The following PIWIL1 variants were observed in gnomAD, a reference collection of about 807,000 sequenced individuals.
PIWIL1 encodes the protein piwi like RNA-mediated gene silencing 1.
PIWIL1 carries 73 observed loss-of-function variants against 114.4 expected under a neutral mutation model. The ratio of observed to expected loss-of-function variants is 0.64; its 90% confidence interval spans 0.53 to 0.78. The LOEUF is 0.78. Among genes scored for constraint, PIWIL1 ranks in the 30% least tolerant of loss-of-function variants. The pLI, the probability that PIWIL1 is intolerant of heterozygous loss-of-function variation, is 0.00. For missense variants in PIWIL1, 723 were observed against 1,063.1 expected (o/e 0.68, Z 4.45); for synonymous variants, 375 against 369.0 (o/e 1.02, Z -0.19).
the PIWIL1 span, among the ~76,000 whole-genome samples, chr12:130,381,715 T>C: frequency 6.6e-6 from 1 of 152,226 alleles, no homozygotes; most frequent in Non-Finnish European, 1.5e-5. Context: ...CTATGTTTAG[T>C]TTTGTAAGAA....
the PIWIL1 span, among the ~76,000 whole-genome samples, chr12:130,408,867 C>T: frequency 6.6e-6 from 1 of 152,166 alleles, no homozygotes; most frequent in East Asian, 1.9e-4. Context: ...TGGTTTTCAG[C>T]AGGTACAGGG....
chr12:130,416,195 G>A, the PIWIL1 span, among the ~76,000 whole-genome samples: 1 of 152,104 alleles, frequency 6.6e-6, no homozygotes, highest in African/African-American at 2.4e-5. Flanking sequence ...AACTTCCATT[G>A]TCATTTTATA....
intron 19 of PIWIL1, among the ~76,000 whole-genome samples, chr12:130,368,372 C>T (rs980287964): frequency 1.3e-5 from 2 of 152,042 alleles, no homozygotes; most frequent in African/African-American, 4.8e-5. Flanking sequence ...TGAGGCAATA[C>T]TATAGCGACT....
chr12:130,404,883 A>G, the PIWIL1 span, among the ~76,000 whole-genome samples: 188 of 152,168 alleles, frequency 1.2e-3, no homozygotes, highest in African/African-American at 4.3e-3. Flanking sequence ...GTCCATAAAT[A>G]CTCTAAGTAT....
chr12:130,402,962 T>C, the PIWIL1 span, among the ~76,000 whole-genome samples: 2 of 152,140 alleles, frequency 1.3e-5, no homozygotes, highest in African/African-American at 4.8e-5. Flanking sequence ...TGGGGGCTGA[T>C]GTAAATTATG....
the PIWIL1 span, among the ~76,000 whole-genome samples, chr12:130,393,789 C>T: frequency 3.3e-5 from 5 of 152,158 alleles, no homozygotes; most frequent in Admixed American, 3.3e-4. Flanking sequence ...TAAACACACA[C>T]GTTCAAGGCT....
chr12:130,358,869 G>T lies in PIWIL1; in HGVS notation c.1665+1316G>T, dbSNP rs141989278. ...GAGAACAGGGCCTTCTATATTCCAG[G>T]CACCAGCATGTTGTACGACTATGGC... On this transcript the variant is annotated intron_variant, in intron 14 of 20. Transcript: ENST00000245255. 4.5e-4 allele frequency among the ~76,000 whole-genome samples: 68 copies of T among 152,178 alleles called. 2 individuals carry two copies. In the East Asian group the frequency reaches 0.012, roughly 26 times the overall value.
In PIWIL1 at chr12:130,349,277, A is replaced by C; in HGVS notation, c.773A>C (p.Gln258Pro). The C allele has an allele frequency of 1.2e-6, 2 of 1,613,724 alleles. No individual in the cohort carries two copies. The highest frequency in any genetic ancestry group is 1.1e-5 in the South Asian group (1 of 91,072). Residue 258 changes from glutamine (Q) to proline (P), a missense_variant, in exon 8 of 21, where the codon CAG becomes CCG. Coordinates refer to ENST00000245255, the MANE Select transcript of PIWIL1 (RefSeq NM_004764.5). ...CCTGGCTTCACTACTTCCATCCTTC[A>C]GTATGAAAACAGCATCATGCTCTGC... ...IWPGFTTSIL[Q>P]YENSIMLCTD...
chr12:130,426,120 C>G, the PIWIL1 span: 2 of 152,304 alleles, frequency 1.3e-5, no homozygotes, highest in East Asian at 3.9e-4. Context: ...GTGAACCGGG[C>G]CAGCGGGGGC....
At position 130,357,548 on chromosome 12, in the gene PIWIL1, C is replaced by A; in HGVS notation, c.1660C>A (p.Gln554Lys). The stretch of plus-strand genomic sequence containing the variant: ...ACAGCAAAAGGTCACAGCAGACACC[C>A]AGATAGTAAGTAACTAATTGACATA... ...VLQQKVTADT[Q>K]IVVCLLSSNR... is the part of the protein sequence containing the mutation. Residue 554 changes from glutamine (Q) to lysine (K), a missense_variant, in exon 14 of 21, where the codon CAG (glutamine) becomes AAG (lysine). This residue lies in a region of PIWIL1 where 298 missense variants were observed against 420.8 expected (regional missense o/e 0.71). Transcript: ENST00000245255. 1 of 1,606,322 alleles carries A rather than the reference C, an allele frequency of 6.2e-7. No individual in the cohort carries two copies. The highest frequency in any genetic ancestry group is 1.1e-5 in the South Asian group (1 of 90,848).
chr12:130,414,413 CT>C, the PIWIL1 span: 19 of 1,157,024 alleles, frequency 1.6e-5, no homozygotes, highest in Non-Finnish European at 2.1e-5. Flanking sequence ...GGTTCCTTGA[CT>C]TTTGTCTTTT....
chr12:130,344,471 T>A (rs1244737507), intron 3 of PIWIL1, among the ~76,000 whole-genome samples: 1 of 152,230 alleles, frequency 6.6e-6, no homozygotes, highest in East Asian at 1.9e-4. Context: ...ACTTCTGACA[T>A]GCCTGTGATG....
In PIWIL1 at chr12:130,357,542, G is replaced by A; in HGVS notation, c.1654G>A (p.Asp552Asn). The A allele has an allele frequency of 1.2e-6, 2 of 1,610,266 alleles. No individual in the cohort carries two copies. Among genetic ancestry groups the A allele is most frequent in the Non-Finnish European group, 1.7e-6 (2 of 1,176,634 alleles). ...AGTCTTACAGCAAAAGGTCACAGCA[G>A]ACACCCAGATAGTAAGTAACTAATT... ...LRVLQQKVTADTQIVVCLLSS... is the reference protein window; with the variant it reads ...LRVLQQKVTANTQIVVCLLSS... Residue 552 changes from aspartate to asparagine, a missense_variant, in exon 14 of 21, where the codon GAC becomes AAC. By Grantham distance (23) the Asp-to-Asn change is conservative. This residue lies in a region of PIWIL1 where 298 missense variants were observed against 420.8 expected (regional missense o/e 0.71). Coordinates refer to ENST00000245255, the MANE Select transcript of PIWIL1 (RefSeq NM_004764.5).
At chr12:130,372,827 C>T (rs1268966512), downstream of PIWIL1, among the ~76,000 whole-genome samples, 2 of 152,058 alleles carry the variant, frequency 1.3e-5, no homozygotes, top group African/African-American at 4.8e-5. Flanking sequence ...TAGGAATTCT[C>T]AGGAACGTTT....
intron 9 of PIWIL1, among the ~76,000 whole-genome samples, chr12:130,354,129 C>T (rs1260180580): frequency 1.3e-5 from 2 of 152,136 alleles, no homozygotes; most frequent in South Asian, 2.1e-4. Context: ...TGTATTCTCA[C>T]GGTGAGACTG....
At chr12:130,412,491 A>G in the PIWIL1 span, 1 of 897,652 alleles carries the variant, frequency 1.1e-6, no homozygotes, top group African/African-American at 1.7e-5. Flanking sequence ...ACTGGTCAAC[A>G]TTTACATGAC....
chr12:130,422,503 C>A, the PIWIL1 span: 1 of 1,613,244 alleles, frequency 6.2e-7, no homozygotes, highest in Non-Finnish European at 8.5e-7. The surrounding 1 kb of genome is among the most constrained non-coding windows in gnomAD (Gnocchi z 5.2). Flanking sequence ...AGCGCTGCCA[C>A]GGGGAAACCT....
At chr12:130,360,808 T>C (rs1001308104) in intron 14 of PIWIL1, among the ~76,000 whole-genome samples, 9 of 152,180 alleles carry the variant, frequency 5.9e-5, no homozygotes, top group Non-Finnish European at 1.0e-4. Flanking sequence ...CAAGTTACAA[T>C]TGTAGATGAA....
chr12:130,365,494 A>G (rs1374004038), intron 18 of PIWIL1, among the ~76,000 whole-genome samples: 1 of 152,250 alleles, frequency 6.6e-6, no homozygotes, highest in Non-Finnish European at 1.5e-5. Context: ...TAGAAAATGC[A>G]AAGTTTGGAC....
Sources: allele counts gnomAD v4.1 joint callset (sites outside exome capture counted in the v4.1 genomes callset), GRCh38; gene constraint gnomAD v4.1.1; regional missense constraint gnomAD v4.1.1; non-coding constraint Gnocchi (gnomAD v3.1); transcripts MANE v1.5; gene names NCBI Gene and HGNC (gene_info 2026-07-23, HGNC 2026-07-21).